Variants in ELMO1 observed in about 807,000 individuals in gnomAD.
ELMO1 encodes the protein engulfment and cell motility 1.
In ELMO1, 26 loss-of-function variants were observed where a neutral mutation model predicts 98.9. The ratio of observed to expected loss-of-function variants is 0.26; its 90% CI spans 0.19 to 0.36. The LOEUF is 0.36. Ranked by LOEUF, ELMO1 falls within the 10% of genes least tolerant of loss-of-function variation. The probability of loss-of-function intolerance (pLI) is 1.00; values close to 1 mark genes in which losing one functional copy is unlikely to be tolerated. For missense variants in ELMO1, 627 were observed against 935.2 expected, an observed-to-expected ratio of 0.67 and a Z score of 4.30; for synonymous variants, 346 against 346.0, an observed-to-expected ratio of 1.00 and a Z score of 0.00.
intron 18 of ELMO1, among the ~76,000 whole-genome samples, chr7:36,882,508 T>G (rs997400689): frequency 4.6e-5 from 7 of 152,224 alleles, no homozygotes; most frequent in African/African-American, 1.7e-4. Context: ...AGGACAGATT[T>G]GTGTTTTGAT....
rs566141952 is a variant in ELMO1, at chr7:36,889,815, G to A, written c.1602-2143C>T. On this transcript the variant is annotated intron_variant, in intron 17 of 21. Transcript: ENST00000310758. ...TCTGCTGCTACAAGAGTTACTCCCCGCTTTTTTTTTGTTATAAGCCTCAAA... is the reference window on the plus strand; with the variant it reads ...TCTGCTGCTACAAGAGTTACTCCCCACTTTTTTTTTGTTATAAGCCTCAAA... Among the ~76,000 whole-genome samples the A allele has an allele frequency of 7.2e-5, 11 of 152,136 alleles. No homozygotes were observed. In the South Asian group the frequency reaches 1.7e-3, roughly 23 times the overall value.
chr7:36,999,822 C>A (rs1283619270), intron 16 of ELMO1, among the ~76,000 whole-genome samples: 1 of 152,078 alleles, frequency 6.6e-6, no homozygotes, highest in Non-Finnish European at 1.5e-5. Flanking sequence ...GATTTCTCAG[C>A]CATGCAGGGG....
chr7:36,947,199 C>T (rs1274383495), intron 16 of ELMO1, among the ~76,000 whole-genome samples: 2 of 152,184 alleles, frequency 1.3e-5, no homozygotes, highest in African/African-American at 4.8e-5. Flanking sequence ...TTAGCTCTCA[C>T]TTATAAGGGT....
At chr7:37,185,661 G>T (rs1791156993) in intron 13 of ELMO1, among the ~76,000 whole-genome samples, 1 of 152,136 alleles carries the variant, frequency 6.6e-6, no homozygotes, top group Admixed American at 6.6e-5. Flanking sequence ...TTTTGATCCA[G>T]AAAATTTGAA....
chr7:37,315,988 T>TC, intron 2 of ELMO1, 28 bp from the exon 3 acceptor site: 2 of 1,522,456 alleles, frequency 1.3e-6, no homozygotes, highest in Admixed American at 2.0e-5. Flanking sequence ...AGGAAATACT[T>TC]GTTAGTTTCG....
At chr7:37,322,695 T>A (rs1799584406) in intron 2 of ELMO1, among the ~76,000 whole-genome samples, 1 of 151,192 alleles carries the variant, frequency 6.6e-6, no homozygotes. Context: ...AACAGCTACT[T>A]GGGAGGCTGA....
intron 16 of ELMO1, among the ~76,000 whole-genome samples, chr7:36,971,394 A>C (rs1380278595): frequency 6.6e-6 from 1 of 152,256 alleles, no homozygotes; most frequent in Non-Finnish European, 1.5e-5. Flanking sequence ...GGATACACTT[A>C]AGTCATTTAA....
intron 16 of ELMO1, among the ~76,000 whole-genome samples, chr7:36,932,475 A>C (rs573493670): frequency 6.6e-6 from 1 of 152,320 alleles, no homozygotes; most frequent in South Asian, 2.1e-4. Context: ...GACCCTGCTA[A>C]ATGCAAGTCT....
chr7:37,246,609 T>C (rs1795018532), intron 6 of ELMO1, among the ~76,000 whole-genome samples: 2 of 152,230 alleles, frequency 1.3e-5, no homozygotes, highest in African/African-American at 4.8e-5. Context: ...ATGTTTGTTG[T>C]GATGAGAGAA....
Position 36,870,606 on chromosome 7 carries a change from G to A in ELMO1, c.1823-131C>T. 1.2e-6 allele frequency: 1 copy of A among 819,860 alleles called. No individual in the cohort carries two copies. Among genetic ancestry groups the A allele is most frequent in the Non-Finnish European group, 1.9e-6 (1 of 540,060 alleles). 50.8% of individuals were successfully genotyped at this position (819,860 alleles called of 1,614,324 possible). A position where few individuals can be genotyped will look rare whatever the true frequency, so the allele number is the denominator to read the frequency against. On this transcript the variant is annotated intron_variant, in intron 19 of 21. Transcript: ENST00000310758. The surrounding 1 kb of genome is among the most constrained non-coding windows in gnomAD (Gnocchi z 4.4). The stretch of plus-strand genomic sequence containing the variant: ...CAGAAACTACTGCAAAAAGAAGAGT[G>A]TTGAAAAGAGGAAGAGAAGCCAGGT...
intron 21 of ELMO1, 50 bp downstream of exon 21, chr7:36,861,608 CT>C (rs763627801): frequency 2.6e-6 from 4 of 1,561,704 alleles, no homozygotes; most frequent in South Asian, 2.3e-5. Context: ...CTATATTTTT[CT>C]TGAGAAAAGA....
chr7:37,335,283 G>C (rs536605555), intron 2 of ELMO1, among the ~76,000 whole-genome samples: 31 of 152,292 alleles, frequency 2.0e-4, no homozygotes, highest in Middle Eastern at 3.4e-3. Context: ...ATTTAAAGCA[G>C]TAGAGAGCTG....
chr7:37,030,353 G>GT (rs202005930), intron 15 of ELMO1, among the ~76,000 whole-genome samples: 45 of 150,596 alleles, frequency 3.0e-4, no homozygotes, highest in African/African-American at 6.1e-4. Flanking sequence ...ACTTGAAACT[G>GT]TTTTTTTTTC....
intron 16 of ELMO1, among the ~76,000 whole-genome samples, chr7:36,926,499 C>T (rs1315813559): frequency 6.6e-6 from 1 of 151,976 alleles, no homozygotes; most frequent in Non-Finnish European, 1.5e-5. Context: ...AGAAGTGACC[C>T]CCCCAACTGA....
chr7:37,420,041 A>T (rs7795210), intron 1 of ELMO1, among the ~76,000 whole-genome samples: 17,349 of 152,166 alleles, frequency 0.11, 1,256 homozygotes, highest in Non-Finnish European at 0.16. Context: ...GAGAAGGAGG[A>T]TGTTTTCACG....
At chr7:37,205,198 C>T (rs1185690965) in intron 13 of ELMO1, among the ~76,000 whole-genome samples, 1 of 152,170 alleles carries the variant, frequency 6.6e-6, no homozygotes, top group Admixed American at 6.5e-5. Flanking sequence ...CTGGGGACTT[C>T]CAAGTATAGT....
chr7:37,233,356 G>GGGGCAGGACGGCCTTGATGAGGTT (rs548438599), intron 7 of ELMO1, among the ~76,000 whole-genome samples, 162 bp from the exon 8 acceptor site: 14 of 152,122 alleles, frequency 9.2e-5, no homozygotes, highest in African/African-American at 1.9e-4. Context: ...GTGACATGAA[G>GGGGCAGGACGGCCTTGATGAGGTT]GGGCAGGACG....
intron 15 of ELMO1, among the ~76,000 whole-genome samples, chr7:37,016,764 T>C (rs773818377): frequency 7.2e-5 from 11 of 152,202 alleles, no homozygotes; most frequent in Non-Finnish European, 1.3e-4. Context: ...AAGGAAGATA[T>C]TACTAACTTC....
At chr7:37,034,615 A>G (rs963265508) in intron 15 of ELMO1, among the ~76,000 whole-genome samples, 1 of 152,198 alleles carries the variant, frequency 6.6e-6, no homozygotes, top group African/African-American at 2.4e-5. Context: ...TATATGTATT[A>G]TATATTGTAT....
Sources: gnomAD v4.1 joint callset for allele counts (sites outside exome capture counted in the v4.1 genomes callset) on GRCh38, gnomAD v4.1.1 for gene constraint, Gnocchi (gnomAD v3.1) non-coding constraint, MANE v1.5 for transcripts, NCBI Gene and HGNC (gene_info 2026-07-23, HGNC 2026-07-21) for gene names.